COX14: variants seen among roughly 807,000 people sequenced by gnomAD.
The protein encoded by COX14 is cytochrome c oxidase assembly factor COX14.
COX14 carries 3 observed loss-of-function variants against 5.8 expected under a neutral mutation model. That is an observed-to-expected ratio of 0.51 (90% CI 0.23 to 1.33). The LOEUF (loss-of-function observed/expected upper bound fraction) is 1.33, where lower values mean the gene tolerates loss of function less well. Ranked by LOEUF, COX14 falls within the 40% of genes most tolerant of loss-of-function variation. The pLI, the probability that COX14 is intolerant of heterozygous loss-of-function variation, is 0.18. For missense variants in COX14, 72 were observed against 72.1 expected (o/e 1.00, Z 0.01); for synonymous variants, 25 against 26.1 (o/e 0.96, Z 0.13).
At chr12:50,115,806 C>G (rs181252452) in intron 1 of COX14, among the ~76,000 whole-genome samples, 1 of 152,048 alleles carries the variant, frequency 6.6e-6, no homozygotes, top group Non-Finnish European at 1.5e-5. Context: ...CTGTCTTTGC[C>G]TCCCAAAGTG....
intron 1 of COX14, among the ~76,000 whole-genome samples, chr12:50,117,684 A>T (rs140564846): frequency 5.6e-4 from 85 of 150,750 alleles, no homozygotes; most frequent in African/African-American, 2.0e-3. Flanking sequence ...GATTCAAGCA[A>T]TTCTCCTGTC....
intron 1 of COX14, among the ~76,000 whole-genome samples, chr12:50,118,715 C>A (rs112442737): frequency 6.6e-5 from 10 of 152,016 alleles, no homozygotes; most frequent in African/African-American, 2.4e-4. Flanking sequence ...TGCAGTGAGC[C>A]GAGATCGTGC....
In COX14 at chr12:50,112,623, C is replaced by T. The variant is rs571433214; in HGVS notation, c.-9+322C>T. 3.5e-4 allele frequency: 94 copies of T among 266,816 alleles called. 1 individual carries two copies. The Middle Eastern group carries it at 5.4e-3, about 15-fold the overall frequency. 16.5% of individuals were successfully genotyped at this position (266,816 alleles called of 1,614,324 possible). A position where few individuals can be genotyped will look rare whatever the true frequency, so the allele number is the denominator to read the frequency against. ...GACCTCTGCGTCCTGATAAGTGGCTCTCCGGGGCACCCTTCGTGCATATCG... is the reference window on the plus strand; with the variant it reads ...GACCTCTGCGTCCTGATAAGTGGCTTTCCGGGGCACCCTTCGTGCATATCG... On this transcript the variant is annotated intron_variant, in intron 1 of 1. Coordinates refer to ENST00000550487, the MANE Select transcript of COX14 (RefSeq NM_032901.4).
chr12:50,113,170 C>T (rs1395724915), intron 1 of COX14, among the ~76,000 whole-genome samples: 1 of 151,838 alleles, frequency 6.6e-6, no homozygotes, highest in Non-Finnish European at 1.5e-5. Flanking sequence ...CCACCGTACC[C>T]GGCCGATGTA....
chr12:50,120,064 A>G lies in COX14; in HGVS notation c.21A>G (p.Leu7=), dbSNP rs375877708. The G allele has an allele frequency of 1.9e-6, 3 of 1,614,130 alleles. No homozygotes were observed. Among genetic ancestry groups the G allele is most frequent in the Non-Finnish European group, 2.5e-6 (3 of 1,179,944 alleles). The change falls in exon 2 of 2, where the codon CTA becomes CTG. Residue 7 remains leucine (L), a synonymous_variant. Coordinates refer to ENST00000550487, the MANE Select transcript of COX14 (RefSeq NM_032901.4). MPTGKQ[L]ADIGYKTFST... Reference sequence around the variant, plus strand: ...ACAAGATGCCAACTGGCAAGCAGCTAGCTGACATTGGCTATAAGACCTTCT... The same window carrying G: ...ACAAGATGCCAACTGGCAAGCAGCTGGCTGACATTGGCTATAAGACCTTCT...
At chr12:50,115,398 C>T (rs1233696783) in intron 1 of COX14, among the ~76,000 whole-genome samples, 1 of 149,408 alleles carries the variant, frequency 6.7e-6, no homozygotes, top group South Asian at 2.1e-4. Context: ...TGTATTTTTA[C>T]TAGAGACGGG....
chr12:50,114,779 T>A (rs1166779759), intron 1 of COX14, among the ~76,000 whole-genome samples: 1 of 120,522 alleles, frequency 8.3e-6, no homozygotes, highest in African/African-American at 3.5e-5. Context: ...AATTTTTTTT[T>A]TTTTTTTTTT....
At chr12:50,115,510 C>T (rs1029760423) in intron 1 of COX14, among the ~76,000 whole-genome samples, 6 of 151,764 alleles carry the variant, frequency 4.0e-5, no homozygotes, top group Middle Eastern at 3.2e-3. Flanking sequence ...CCACCGCGCC[C>T]GGCCGAGCAT....
At chr12:50,117,269 G>T (rs1261599912) in intron 1 of COX14, among the ~76,000 whole-genome samples, 2 of 152,036 alleles carry the variant, frequency 1.3e-5, no homozygotes, top group African/African-American at 4.8e-5. Context: ...TCCTGACTCG[G>T]CCTCCCAAAG....
chr12:50,118,103 CT>C (rs1951098702), intron 1 of COX14, among the ~76,000 whole-genome samples: 1 of 147,886 alleles, frequency 6.8e-6, no homozygotes, highest in Non-Finnish European at 1.5e-5. Context: ...CTGGAATGCA[CT>C]GGCGCAATCT....
chr12:50,119,992 G>A (rs1159984961), intron 1 of COX14, 44 bp from the exon 2 acceptor site: 22 of 1,493,870 alleles, frequency 1.5e-5, no homozygotes, highest in Non-Finnish European at 1.9e-5. Flanking sequence ...GGGCTGGGCA[G>A]ATGAGGCCTT....
intron 1 of COX14, chr12:50,112,547 C>G: frequency 1.1e-6 from 1 of 887,002 alleles, no homozygotes; most frequent in Non-Finnish European, 1.4e-6. Context: ...TCGACTCCTG[C>G]CTGGCGTCTC....
intron 1 of COX14, among the ~76,000 whole-genome samples, chr12:50,117,365 G>A (rs763428439): frequency 7.9e-5 from 12 of 152,132 alleles, no homozygotes; most frequent in Non-Finnish European, 1.5e-4. Context: ...GTGTGTGTGC[G>A]TGGCCATGGT....
At position 50,120,115 on chromosome 12, in the gene COX14, G is replaced by A. The variant is rs1951117109; in HGVS notation, c.72G>A (p.Val24=). 1.2e-6 allele frequency: 2 copies of A among 1,614,040 alleles called. No individual in the cohort carries two copies. Among genetic ancestry groups the A allele is most frequent in the South Asian group, 1.1e-5 (1 of 91,082 alleles). ...CTACCTCCATGATGCTTCTCACTGT[G>A]TATGGGGGGTACCTCTGCAGTGTCC... ...TFSTSMMLLT[V]YGGYLCSVRV... is the part of the protein sequence containing the mutation. Residue 24 remains valine, a synonymous_variant, in exon 2 of 2, where the codon GTG becomes GTA. Coordinates refer to ENST00000550487, the MANE Select transcript of COX14 (RefSeq NM_032901.4).
At chr12:50,119,941 G>A in intron 1 of COX14, 95 bp from the exon 2 acceptor site, 1 of 962,232 alleles carries the variant, frequency 1.0e-6, no homozygotes, top group Non-Finnish European at 1.7e-6. Flanking sequence ...GACAGACCAA[G>A]CAGGATGCAG....
intron 1 of COX14, among the ~76,000 whole-genome samples, chr12:50,114,658 T>C (rs548719933): frequency 6.6e-6 from 1 of 152,226 alleles, no homozygotes; most frequent in African/African-American, 2.4e-5. Flanking sequence ...TTTTGCTTAT[T>C]ACCTCCATAT....
intron 1 of COX14, among the ~76,000 whole-genome samples, chr12:50,114,219 GAA>G (rs36117795): frequency 3.6e-5 from 3 of 82,876 alleles, no homozygotes; most frequent in Admixed American, 2.8e-4. Context: ...GTAGTTAAAT[GAA>G]AAAAAAAAAA....
At chr12:50,114,027 T>G (rs1049457177) in intron 1 of COX14, among the ~76,000 whole-genome samples, 3 of 151,628 alleles carry the variant, frequency 2.0e-5, no homozygotes, top group Non-Finnish European at 2.9e-5. Flanking sequence ...AGCCCCAAAC[T>G]CGTTGGCTCA....
chr12:50,115,801 T>A (rs1951076296), intron 1 of COX14, among the ~76,000 whole-genome samples: 1 of 151,980 alleles, frequency 6.6e-6, no homozygotes, highest in Non-Finnish European at 1.5e-5. Context: ...TCCGTCTGTC[T>A]TTGCCTCCCA....
Sources: allele counts gnomAD v4.1 joint callset (sites outside exome capture counted in the v4.1 genomes callset), GRCh38; gene constraint gnomAD v4.1.1; transcripts MANE v1.5; gene names NCBI Gene and HGNC (gene_info 2026-07-23, HGNC 2026-07-21).